Variants in CNGA1 observed in about 807,000 individuals in gnomAD.
CNGA1 encodes the protein cyclic nucleotide-gated channel alpha-1.
In CNGA1, 53 loss-of-function variants were observed where a neutral mutation model predicts 69.7. The observed-to-expected ratio is 0.76, with a 90% CI of 0.61 to 0.96. The LOEUF (loss-of-function observed/expected upper bound fraction) is 0.96, where lower values mean the gene tolerates loss of function less well. Among genes scored for constraint, CNGA1 ranks in the 40% least tolerant of loss-of-function variants. The probability of loss-of-function intolerance (pLI) is 0.00; values close to 1 mark genes in which losing one functional copy is unlikely to be tolerated. For synonymous variants in CNGA1, 249 were observed against 283.5 expected (o/e 0.88, Z 1.22); for missense variants, 739 against 811.2 (o/e 0.91, Z 1.08).
At chr4:47,952,135 G>A (rs1335661005) in intron 4 of CNGA1, among the ~76,000 whole-genome samples, 1 of 152,168 alleles carries the variant, frequency 6.6e-6, no homozygotes, top group East Asian at 1.9e-4. Context: ...GGCCGAGGCA[G>A]GCAGATCACT....
chr4:47,963,124 A>AT (rs971171809), intron 3 of CNGA1, among the ~76,000 whole-genome samples: 1 of 152,056 alleles, frequency 6.6e-6, no homozygotes, highest in Non-Finnish European at 1.5e-5. Context: ...CATTTGGCTA[A>AT]TTTTTTTGTA....
Position 47,936,905 on chromosome 4 carries a change from T to C in CNGA1, c.1577A>G (p.Asp526Gly), listed in dbSNP as rs1327104116. Residue 526 changes from aspartate to glycine, a missense_variant, in exon 11 of 11, where the codon GAT becomes GGT. Coordinates refer to ENST00000514170, the MANE Select transcript of CNGA1 (RefSeq NM_001379270.1). ...CAATACCACAAACTGAGTGACTCCA[T>C]CATCTGCCACCACAGCGAGTTTGCC... ...KEGKLAVVAD[D>G]GVTQFVVLSD... 1 of 1,614,120 alleles carries C rather than the reference T, an allele frequency of 6.2e-7. No homozygotes were observed. The highest frequency in any genetic ancestry group is 1.1e-5 in the South Asian group (1 of 91,080).
At chr4:47,999,535 GA>G (rs960640129) in intron 2 of CNGA1, among the ~76,000 whole-genome samples, 2 of 152,024 alleles carry the variant, frequency 1.3e-5, no homozygotes. Flanking sequence ...CCATAATCAG[GA>G]AAAAAATCAG....
At chr4:47,985,041 A>G (rs1421396941) in intron 2 of CNGA1, among the ~76,000 whole-genome samples, 2 of 152,126 alleles carry the variant, frequency 1.3e-5, no homozygotes, top group Non-Finnish European at 2.9e-5. Flanking sequence ...TCTGCTGTTC[A>G]CTAGCTCTGG....
In CNGA1 at chr4:47,949,867, G is replaced by T; in HGVS notation, c.253C>A (p.Leu85Ile). Residue 85 changes from leucine to isoleucine, a missense_variant, in exon 6 of 11, where the codon CTT becomes ATT. Physicochemically the swap from Leu to Ile is conservative, Grantham distance 5 (BLOSUM62 2). Coordinates refer to ENST00000514170, the MANE Select transcript of CNGA1 (RefSeq NM_001379270.1). Reference protein sequence around the residue: ...REQYLPGAIALFNVNNSSNKD... With the variant: ...REQYLPGAIAIFNVNNSSNKD... ...TTGCTGCTGTTGTTCACATTAAAAA[G>T]TGCAATGGCACCAGGCAGGTACTGC... is the stretch of plus-strand genomic sequence containing the variant. The T allele has an allele frequency of 6.2e-7, 1 of 1,613,834 alleles. No homozygotes were observed. The highest frequency in any genetic ancestry group is 8.5e-7 in the Non-Finnish European group (1 of 1,179,926).
chr4:47,999,700 G>A (rs1002383861), intron 2 of CNGA1, among the ~76,000 whole-genome samples: 11 of 152,118 alleles, frequency 7.2e-5, no homozygotes, highest in South Asian at 2.1e-4. Flanking sequence ...GTGAAATCCC[G>A]TCTCTACTAA....
At chr4:47,960,029 A>C (rs1578087294) in intron 3 of CNGA1, among the ~76,000 whole-genome samples, 1 of 152,366 alleles carries the variant, frequency 6.6e-6, no homozygotes, top group East Asian at 1.9e-4. Context: ...TTTATCTGAC[A>C]AGACTTATAT....
chr4:47,971,129 A>AT (rs1160075205), intron 3 of CNGA1: 1 of 452,462 alleles, frequency 2.2e-6, no homozygotes, highest in Admixed American at 2.4e-5. Context: ...GTATGCTACC[A>AT]TTTGTAGGAA....
intron 2 of CNGA1, among the ~76,000 whole-genome samples, chr4:47,996,636 T>C (rs1426905135): frequency 6.6e-6 from 1 of 152,198 alleles, no homozygotes; most frequent in Non-Finnish European, 1.5e-5. Flanking sequence ...TATTAAATAA[T>C]TCATTGTAAT....
intron 2 of CNGA1, among the ~76,000 whole-genome samples, chr4:47,998,729 G>C (rs1294111415): frequency 1.3e-5 from 2 of 152,120 alleles, no homozygotes; most frequent in Non-Finnish European, 2.9e-5. Flanking sequence ...AGTGAGCAGA[G>C]ATCACACTGC....
intron 2 of CNGA1, among the ~76,000 whole-genome samples, chr4:48,000,739 A>AG: frequency 1.9e-5 from 1 of 52,044 alleles, no homozygotes; most frequent in African/African-American, 5.0e-5. Flanking sequence ...CAGTGGGGGA[A>AG]GCGGGGGGGT....
chr4:47,975,703 T>C (rs958320893), intron 3 of CNGA1, among the ~76,000 whole-genome samples: 1 of 152,112 alleles, frequency 6.6e-6, no homozygotes, highest in African/African-American at 2.4e-5. Flanking sequence ...CATTAAAAAG[T>C]TATTAGAACT....
rs553735132 is a variant in CNGA1, at chr4:47,936,359, T to A, written c.*62A>T. On this transcript the variant is annotated 3_prime_UTR_variant, in exon 11 of 11. Coordinates refer to ENST00000514170, the MANE Select transcript of CNGA1 (RefSeq NM_001379270.1). ...TCCTCTTCTTTTAAATTTTAGTTGA[T>A]GTCAGTCATAGGATCAAAAGGATCA... is the stretch of plus-strand genomic sequence containing the variant. 1.8e-4 allele frequency: 280 copies of A among 1,562,266 alleles called. 1 individual carries two copies. In the East Asian group the frequency reaches 5.0e-3, roughly 28 times the overall value.
In CNGA1 at chr4:47,937,592, G is replaced by GC; in HGVS notation, c.889_890insG (p.Ser297CysfsTer23). On this transcript the variant is annotated frameshift_variant, in exon 11 of 11. Transcript: ENST00000514170. LOFTEE classifies it high-confidence loss of function. ...GATGACGATATACATAACAAGGTTG[G>GC]AAATCCTGAAGATGTTTGGATAGTT... The GC allele has an allele frequency of 1.9e-6, 3 of 1,614,150 alleles. No homozygotes were observed. Among genetic ancestry groups the GC allele is most frequent in the Non-Finnish European group, 2.5e-6 (3 of 1,180,020 alleles).
At chr4:47,938,129 T>C (rs1419685527) in intron 10 of CNGA1, among the ~76,000 whole-genome samples, 2 of 146,898 alleles carry the variant, frequency 1.4e-5, no homozygotes, top group East Asian at 2.0e-4. Flanking sequence ...TGAGCCATGA[T>C]AGCACTACTG....
rs1251695870 is a variant in CNGA1 at position 47,936,523 on chromosome 4, T to G, written c.1959A>C (p.Gln653His). Residue 653 changes from glutamine (Q) to histidine (H), a missense_variant, in exon 11 of 11, where the codon CAA becomes CAC. By Grantham distance (24) the Gln-to-His change is conservative. Coordinates refer to ENST00000514170, the MANE Select transcript of CNGA1 (RefSeq NM_001379270.1). The part of the protein sequence containing the change: ...EYESMQQKLK[Q>H]RLTKVEKFLK... ...GAAATTTCTCAACCTTGGTTAATCT[T>G]TGTTTCAGTTTCTGCTGCATGGACT... The G allele has an allele frequency of 6.2e-7, 1 of 1,614,190 alleles. No individual in the cohort carries two copies. The highest frequency in any genetic ancestry group is 1.7e-5 in the Admixed American group (1 of 60,012).
chr4:47,955,317 G>A (rs1560628422), intron 3 of CNGA1, among the ~76,000 whole-genome samples: 2 of 151,156 alleles, frequency 1.3e-5, no homozygotes, highest in African/African-American at 4.9e-5. Flanking sequence ...CAAGTAGCTG[G>A]GATTACAGGC....
At chr4:47,991,791 T>C (rs992242253) in intron 2 of CNGA1, among the ~76,000 whole-genome samples, 10 of 152,236 alleles carry the variant, frequency 6.6e-5, no homozygotes, top group Admixed American at 2.0e-4. Context: ...AGAATTTGTA[T>C]AGTTTCAGGT....
intron 3 of CNGA1, among the ~76,000 whole-genome samples, chr4:47,953,000 T>C (rs1363088957): frequency 6.6e-6 from 1 of 152,146 alleles, no homozygotes; most frequent in Non-Finnish European, 1.5e-5. Flanking sequence ...TCATGAGACT[T>C]ATTCACTATC....
Sources: allele counts gnomAD v4.1 joint callset (sites outside exome capture counted in the v4.1 genomes callset), GRCh38; gene constraint gnomAD v4.1.1; transcripts MANE v1.5; gene names NCBI Gene and HGNC (gene_info 2026-07-23, HGNC 2026-07-21).